The following LOXL1 variants were observed in gnomAD, a reference collection of about 807,000 sequenced individuals.
LOXL1 encodes the protein lysyl oxidase like 1, also known as lysyl oxidase homolog 1.
A neutral mutation model predicts 62.2 loss-of-function variants in LOXL1; 31 were observed. The observed-to-expected ratio is 0.50, with a 90% confidence interval of 0.37 to 0.67. LOXL1 has a LOEUF of 0.67. LOXL1 is among the 30% of genes least tolerant of loss of function. LOXL1 has a pLI of 0.00. For synonymous variants in LOXL1, 403 were observed against 384.4 expected, an observed-to-expected ratio of 1.05 and a Z score of -0.56; for missense variants, 775 against 843.4, an observed-to-expected ratio of 0.92 and a Z score of 1.00.
At chr15:73,928,052 C>G (rs1055106960) in intron 1 of LOXL1, 167 bp downstream of exon 1, 2 of 526,656 alleles carry the variant, frequency 3.8e-6, no homozygotes, top group Non-Finnish European at 5.9e-6. Flanking sequence ...ACAGCACCCC[C>G]CTGGCATCTC....
At chr15:73,927,927 G>A (rs544936376) in intron 1 of LOXL1, 42 bp downstream of exon 1, 3 of 1,291,508 alleles carry the variant, frequency 2.3e-6, no homozygotes, top group Non-Finnish European at 2.9e-6. Flanking sequence ...GCGTACCCCT[G>A]GCCACTGGAA....
chr15:73,931,153 C>A (rs553693499), intron 1 of LOXL1, among the ~76,000 whole-genome samples: 1 of 137,002 alleles, frequency 7.3e-6, no homozygotes, highest in South Asian at 2.4e-4. Context: ...TCGCACCCCC[C>A]GCCTGACTCA....
chr15:73,943,160 G>A (rs928141386), intron 2 of LOXL1, among the ~76,000 whole-genome samples, 198 bp downstream of exon 2: 6 of 152,154 alleles, frequency 3.9e-5, no homozygotes, highest in African/African-American at 4.8e-5. Flanking sequence ...GGGAGCAAGC[G>A]GGGGCCCAGC....
At position 73,945,545 on chromosome 15, in the gene LOXL1, G is replaced by T. The variant is rs1047939651; in HGVS notation, c.1212-872G>T. On this transcript the variant is annotated intron_variant, in intron 2 of 6. Transcript: ENST00000261921. The surrounding 1 kb of genome is among the most constrained non-coding windows in gnomAD (Gnocchi z 4.3). The stretch of plus-strand genomic sequence containing the variant: ...ATAGGCTTTGAAGCAGGAACCCAGG[G>T]TGTGTGGGGGAGTGGAAGGGCAGAT... 1.3e-5 allele frequency among the ~76,000 whole-genome samples: 2 copies of T among 152,178 alleles called. No individual in the cohort carries two copies. Among genetic ancestry groups the T allele is most frequent in the East Asian group, 3.9e-4 (2 of 5,192 alleles).
intron 1 of LOXL1, among the ~76,000 whole-genome samples, chr15:73,932,391 T>C (rs2068640954): frequency 6.6e-6 from 1 of 152,092 alleles, no homozygotes; most frequent in African/African-American, 2.4e-5. Flanking sequence ...CAACCATGCA[T>C]TTAAAAAAAA....
intron 6 of LOXL1, 143 bp downstream of exon 6, chr15:73,949,717 G>T (rs977147667): frequency 9.3e-6 from 6 of 647,864 alleles, no homozygotes; most frequent in Admixed American, 2.3e-5. Context: ...ATCAAAAAGA[G>T]CCTTGTCCGT....
intron 1 of LOXL1, among the ~76,000 whole-genome samples, chr15:73,936,797 T>A (rs935458949): frequency 4.6e-5 from 7 of 152,200 alleles, no homozygotes; most frequent in African/African-American, 1.7e-4. Context: ...AGATTTCTAA[T>A]GAAGCAGGAA....
chr15:73,933,682 A>G (rs79768309), intron 1 of LOXL1, among the ~76,000 whole-genome samples: 10,900 of 152,274 alleles, frequency 0.072, 472 homozygotes, highest in African/African-American at 0.11. Flanking sequence ...CCTCCTTTCT[A>G]AGCTGGGAAC....
Position 73,927,435 on chromosome 15 carries a change from G to A in LOXL1, c.652G>A (p.Ala218Thr). Residue 218 changes from alanine to threonine, a missense_variant, in exon 1 of 7, where the codon GCC (alanine) becomes ACC (threonine). Transcript: ENST00000261921. ...CGGCGGCGTGGGCGCGGGGGCGGCG[G>A]CCGTGGCCTCGGCGGGGGTCATCTA... ...AGGGVGAGAA[A>T]VASAGVIYPY... is the part of the protein sequence containing the mutation. The A allele has an allele frequency of 1.4e-6, 2 of 1,469,202 alleles. No individual in the cohort carries two copies. Among genetic ancestry groups the A allele is most frequent in the Non-Finnish European group, 1.8e-6 (2 of 1,112,068 alleles). The allele number at this position is 1,469,202 out of a possible 1,614,324, so 91.0% of individuals were successfully genotyped here.
rs1048661 is a variant in LOXL1 at position 73,927,205 on chromosome 15, G to T, written c.422G>T (p.Arg141Leu). The T allele has an allele frequency of 0.33, 518,721 of 1,591,266 alleles. 87,339 individuals carry two copies. The highest frequency in any genetic ancestry group is 0.54 in the East Asian group (23,746 of 43,610). Reference sequence around the variant, plus strand: ...GTCGGGGACAGCACGGGCATGGCCCGGGCCCGCACCTCCGTCTCCCAGCAA... The same window carrying T: ...GTCGGGGACAGCACGGGCATGGCCCTGGCCCGCACCTCCGTCTCCCAGCAA... ...VAVGDSTGMA[R>L]ARTSVSQQRH... The change falls in exon 1 of 7, where the codon CGG (arginine) becomes CTG (leucine). Residue 141 changes from arginine (R) to leucine (L), a missense_variant. Transcript: ENST00000261921.
chr15:73,938,294 T>TCTATCTAA (rs1457317560), intron 1 of LOXL1, among the ~76,000 whole-genome samples: 14 of 150,546 alleles, frequency 9.3e-5, no homozygotes, highest in Middle Eastern at 6.8e-3. Context: ...TATCTATCTA[T>TCTATCTAA]CTATCTATCT....
Position 73,946,419 on chromosome 15 carries a change from C to T in LOXL1, c.1214C>T (p.Thr405Ile). ...CAAEEKCLAS[T>I]AYAPEATDYD... ...CATCTCCCCCGCCGTCCCTGCAGCA[C>T]AGCCTATGCCCCTGAGGCCACCGAC... is the stretch of plus-strand genomic sequence containing the variant. Residue 405 changes from threonine to isoleucine, a missense_variant and splice_region_variant, in exon 3 of 7, where the codon ACA (threonine) becomes ATA (isoleucine). Coordinates refer to ENST00000261921, the MANE Select transcript of LOXL1 (RefSeq NM_005576.4). 1 of 1,609,618 alleles carries T rather than the reference C, an allele frequency of 6.2e-7. No individual in the cohort carries two copies. Among genetic ancestry groups the T allele is most frequent in the Non-Finnish European group, 8.5e-7 (1 of 1,177,340 alleles).
rs746649747 is a variant in LOXL1 at position 73,946,392 on chromosome 15, C to G, written c.1212-25C>G. The stretch of plus-strand genomic sequence containing the variant: ...TGGTGTCACTGTGCCCCAACCCCCC[C>G]TCATCTCCCCCGCCGTCCCTGCAGC... On this transcript the variant is annotated intron_variant, in intron 2 of 6. Coordinates refer to ENST00000261921, the MANE Select transcript of LOXL1 (RefSeq NM_005576.4). 22 of 1,531,622 alleles carry G rather than the reference C, an allele frequency of 1.4e-5. 1 individual carries two copies. Among genetic ancestry groups the G allele is most frequent in the Middle Eastern group, 1.7e-4 (1 of 5,788 alleles). 94.9% of individuals were successfully genotyped at this position (1,531,622 alleles called of 1,614,324 possible). A position where few individuals can be genotyped will look rare whatever the true frequency, so the allele number is the denominator to read the frequency against.
chr15:73,944,324 G>A (rs997493278), intron 2 of LOXL1, among the ~76,000 whole-genome samples: 6 of 152,322 alleles, frequency 3.9e-5, no homozygotes, highest in African/African-American at 1.4e-4. Context: ...CTGAGTGCCC[G>A]GACCTGCGCT....
At chr15:73,947,392 T>A in intron 4 of LOXL1, 169 bp downstream of exon 4, 1 of 636,296 alleles carries the variant, frequency 1.6e-6, no homozygotes, top group Non-Finnish European at 2.6e-6. Flanking sequence ...CTGCAGGGAC[T>A]GTTCCCTCCC....
chr15:73,939,666 T>C (rs1400268121), intron 1 of LOXL1, among the ~76,000 whole-genome samples: 1 of 152,202 alleles, frequency 6.6e-6, no homozygotes, highest in Non-Finnish European at 1.5e-5. Context: ...ACAGCTTGAT[T>C]GTGGTGGAAG....
intron 2 of LOXL1, among the ~76,000 whole-genome samples, chr15:73,944,970 A>T (rs1031106394): frequency 1.3e-5 from 2 of 152,132 alleles, no homozygotes; most frequent in Non-Finnish European, 2.9e-5. Flanking sequence ...TCGGACCTTA[A>T]TGAGTGCCAG....
chr15:73,946,397 C>G lies in LOXL1; in HGVS notation c.1212-20C>G. Reference sequence around the variant, plus strand: ...TCACTGTGCCCCAACCCCCCCTCATCTCCCCCGCCGTCCCTGCAGCACAGC... The same window carrying G: ...TCACTGTGCCCCAACCCCCCCTCATGTCCCCCGCCGTCCCTGCAGCACAGC... On this transcript the variant is annotated intron_variant, in intron 2 of 6. Transcript: ENST00000261921. The G allele has an allele frequency of 1.4e-6, 2 of 1,427,186 alleles. No homozygotes were observed. The highest frequency in any genetic ancestry group is 2.3e-5 in the South Asian group (2 of 85,732). 88.4% of individuals were successfully genotyped at this position (1,427,186 alleles called of 1,614,324 possible).
rs1318300142 is a variant in LOXL1, at chr15:73,930,572, T to C, written c.1102+2687T>C. ...CCAAGGCGGATTCTCCGAGACTGACTTCATTCCTCCTGGCCACACACCCAG... is the reference window on the plus strand; with the variant it reads ...CCAAGGCGGATTCTCCGAGACTGACCTCATTCCTCCTGGCCACACACCCAG... On this transcript the variant is annotated intron_variant, in intron 1 of 6. Coordinates refer to ENST00000261921, the MANE Select transcript of LOXL1 (RefSeq NM_005576.4). The surrounding 1 kb of genome is among the most constrained non-coding windows in gnomAD (Gnocchi z 4.7). 6.6e-6 allele frequency among the ~76,000 whole-genome samples: 1 copy of C among 152,138 alleles called. No individual in the cohort carries two copies. The highest frequency in any genetic ancestry group is 2.4e-5 in the African/African-American group (1 of 41,434).
Sources: allele counts gnomAD v4.1 joint callset (sites outside exome capture counted in the v4.1 genomes callset), GRCh38; gene constraint gnomAD v4.1.1; non-coding constraint Gnocchi (gnomAD v3.1); transcripts MANE v1.5; gene names NCBI Gene and HGNC (gene_info 2026-07-23, HGNC 2026-07-21).